Variants in PDE4D observed in about 807,000 individuals in gnomAD.
The protein encoded by PDE4D is phosphodiesterase 4D.
A neutral mutation model predicts 87.4 loss-of-function variants in PDE4D; 24 were observed. That is an observed-to-expected ratio of 0.27 (90% confidence interval 0.20 to 0.39). The LOEUF is 0.39. Among genes scored for constraint, PDE4D ranks in the 10% least tolerant of loss-of-function variants. The pLI, the probability that PDE4D is intolerant of heterozygous loss-of-function variation, is 1.00. For missense variants in PDE4D, 714 were observed against 1,041.0 expected (o/e 0.69, Z 4.32); for synonymous variants, 384 against 383.2 (o/e 1.00, Z -0.02).
chr5:59,210,785 G>C (rs1749902799), intron 2 of PDE4D, among the ~76,000 whole-genome samples: 1 of 152,164 alleles, frequency 6.6e-6, no homozygotes, highest in Admixed American at 6.6e-5. Context: ...ATTTAACAGA[G>C]GATGGGGAAT....
At chr5:59,413,060 T>C (rs1016011739) in intron 1 of PDE4D, among the ~76,000 whole-genome samples, 1 of 152,226 alleles carries the variant, frequency 6.6e-6, no homozygotes, top group Middle Eastern at 3.2e-3. Context: ...CTGTTGCCTG[T>C]GGCAATTGCA....
At chr5:59,422,668 T>C (rs1021122071) in intron 1 of PDE4D, among the ~76,000 whole-genome samples, 3 of 152,204 alleles carry the variant, frequency 2.0e-5, no homozygotes, top group African/African-American at 7.2e-5. Flanking sequence ...AATGGGACTA[T>C]CATATAAAGG....
rs866062711 is a variant in PDE4D, at chr5:59,008,673, G to A, written c.922-15208C>T. On this transcript the variant is annotated intron_variant, in intron 6 of 14. Coordinates refer to ENST00000340635, the MANE Select transcript of PDE4D (RefSeq NM_001104631.2). ...CAGTAGAAAGTAGTTGTGATCTTGC[G>A]TTAGGCAAAGATTTCTTAAACCACA... Among the ~76,000 whole-genome samples, 94 of 152,016 alleles carry A rather than the reference G, an allele frequency of 6.2e-4. 1 individual carries two copies. The Middle Eastern group carries it at 0.01, about 17-fold the overall frequency.
chr5:59,820,286 T>C (rs1219572156), intron 1 of PDE4D, among the ~76,000 whole-genome samples: 4 of 152,242 alleles, frequency 2.6e-5, no homozygotes, highest in Non-Finnish European at 1.5e-5. Context: ...TTCGTTTTTA[T>C]TCAAGTGGCT....
At position 59,081,518 on chromosome 5, in the gene PDE4D, T is replaced by TTAAAA. The variant is rs56306218; in HGVS notation, c.809-42548_809-42547insTTTTA. Among the ~76,000 whole-genome samples the TTAAAA allele has an allele frequency of 6.6e-5, 9 of 135,434 alleles. 1 individual carries two copies. In the East Asian group the frequency reaches 8.7e-4, roughly 13 times the overall value. 88.8% of individuals were successfully genotyped at this position (135,434 alleles called of 152,430 possible). On this transcript the variant is annotated intron_variant, in intron 5 of 14. Coordinates refer to ENST00000340635, the MANE Select transcript of PDE4D (RefSeq NM_001104631.2). The stretch of plus-strand genomic sequence containing the variant: ...ACCTCATGACCAGGAAGTAATCAGG[T>TTAAAA]AAAAAAAAAAAAGAAAAAAAGTGGG...
At chr5:59,481,714 C>T (rs577064122) in intron 1 of PDE4D, among the ~76,000 whole-genome samples, 2 of 152,126 alleles carry the variant, frequency 1.3e-5, no homozygotes, top group Non-Finnish European at 2.9e-5. Flanking sequence ...TTGGTCATTT[C>T]GTTGTTCCCA....
At chr5:60,486,424 C>A in intron 1 of PDE4D, among the ~76,000 whole-genome samples, 1 of 152,108 alleles carries the variant, frequency 6.6e-6, no homozygotes. Context: ...TTTTAAAAAT[C>A]TATGTATTTT....
intron 1 of PDE4D, among the ~76,000 whole-genome samples, chr5:59,672,681 G>A (rs1325399757): frequency 2.0e-5 from 3 of 152,056 alleles, no homozygotes; most frequent in Non-Finnish European, 2.9e-5. Context: ...AATACAAAAA[G>A]TCCAGAGTGT....
intron 1 of PDE4D, among the ~76,000 whole-genome samples, chr5:60,209,997 G>A (rs1378346028): frequency 6.6e-6 from 1 of 151,998 alleles, no homozygotes; most frequent in Non-Finnish European, 1.5e-5. Flanking sequence ...GAAAAGAAAG[G>A]AAAATACACA....
chr5:59,965,029 CACCACG>C (rs1759879042), intron 3 of PDE4D, among the ~76,000 whole-genome samples: 1 of 152,104 alleles, frequency 6.6e-6, no homozygotes, highest in African/African-American at 2.4e-5. Flanking sequence ...AATTTTCAAC[CACCACG>C]ACTACCCAAT....
intron 1 of PDE4D, among the ~76,000 whole-genome samples, chr5:60,494,611 G>T (rs558225770): frequency 7.9e-5 from 12 of 152,212 alleles, no homozygotes; most frequent in Admixed American, 7.2e-4. Context: ...TCTTCTTTGT[G>T]GCCCACAAAG....
intron 1 of PDE4D, among the ~76,000 whole-genome samples, chr5:59,399,426 C>A (rs1214803262): frequency 2.2e-5 from 3 of 136,676 alleles, no homozygotes; most frequent in African/African-American, 7.7e-5. Flanking sequence ...GAAATAACGC[C>A]GCATATCTAC....
At chr5:59,402,841 C>T (rs931428566) in intron 1 of PDE4D, among the ~76,000 whole-genome samples, 1 of 152,054 alleles carries the variant, frequency 6.6e-6, no homozygotes, top group African/African-American at 2.4e-5. Flanking sequence ...ATTTCACACT[C>T]TTTCACCATT....
chr5:59,373,193 CAGAAAT>C (rs1258698485), intron 1 of PDE4D, among the ~76,000 whole-genome samples: 1 of 151,944 alleles, frequency 6.6e-6, no homozygotes, highest in African/African-American at 2.4e-5. Context: ...GCTGAAATGA[CAGAAAT>C]AGAATTCAAA....
At chr5:60,109,375 G>A (rs1206320675) in intron 2 of PDE4D, among the ~76,000 whole-genome samples, 4 of 151,836 alleles carry the variant, frequency 2.6e-5, no homozygotes, top group Non-Finnish European at 1.5e-5. Context: ...GTGCTGGAGA[G>A]GATGTGGAGA....
At chr5:59,261,479 C>T (rs1377498454) in intron 1 of PDE4D, among the ~76,000 whole-genome samples, 1 of 151,652 alleles carries the variant, frequency 6.6e-6, no homozygotes, top group Non-Finnish European at 1.5e-5. Context: ...TGAAATAGAG[C>T]CTCAAGCATT....
intron 5 of PDE4D, among the ~76,000 whole-genome samples, chr5:59,070,154 C>A (rs991590040): frequency 1.3e-5 from 2 of 152,240 alleles, no homozygotes; most frequent in Non-Finnish European, 1.5e-5. Context: ...AACACATATA[C>A]AATGTTATAA....
intron 1 of PDE4D, among the ~76,000 whole-genome samples, chr5:59,740,000 A>C (rs1041371169): frequency 1.3e-5 from 2 of 152,202 alleles, no homozygotes; most frequent in Admixed American, 6.6e-5. Context: ...TCACTCCAAC[A>C]CTGTACAATT....
chr5:60,401,297 T>C (rs1405938591), intron 1 of PDE4D, among the ~76,000 whole-genome samples: 1 of 152,222 alleles, frequency 6.6e-6, no homozygotes, highest in South Asian at 2.1e-4. Context: ...TATTTTATGG[T>C]TAGGCTTTTG....
Sources: gnomAD v4.1 joint callset for allele counts (sites outside exome capture counted in the v4.1 genomes callset) on GRCh38, gnomAD v4.1.1 for gene constraint, MANE v1.5 for transcripts, NCBI Gene and HGNC (gene_info 2026-07-23, HGNC 2026-07-21) for gene names.